TMPRSS11D: variants seen among roughly 807,000 people sequenced by gnomAD.
The protein encoded by TMPRSS11D is transmembrane serine protease 11D, also known as transmembrane protease serine 11D.
In TMPRSS11D, 32 loss-of-function variants were observed where a neutral mutation model predicts 44.4. The ratio of observed to expected loss-of-function variants is 0.72; its 90% CI spans 0.54 to 0.97. The LOEUF (loss-of-function observed/expected upper bound fraction) is 0.97. TMPRSS11D is among the 50% of genes least tolerant of loss of function. The pLI, the probability that TMPRSS11D is intolerant of heterozygous loss-of-function variation, is 0.00. For synonymous variants in TMPRSS11D, 179 were observed against 177.9 expected, an observed-to-expected ratio of 1.01 and a Z score of -0.05; for missense variants, 446 against 502.6, an observed-to-expected ratio of 0.89 and a Z score of 1.08.
chr4:67,836,850 G>A (rs41371952), intron 5 of TMPRSS11D, among the ~76,000 whole-genome samples: 109,163 of 152,056 alleles, frequency 0.72, 41,884 homozygotes, highest in East Asian at 0.99. Flanking sequence ...AGTACAGACT[G>A]TTTGCCTTTT....
At chr4:67,875,882 A>C (rs1169611753) in intron 1 of TMPRSS11D, among the ~76,000 whole-genome samples, 1 of 152,188 alleles carries the variant, frequency 6.6e-6, no homozygotes, top group Non-Finnish European at 1.5e-5. Flanking sequence ...TGTATCTCCC[A>C]AAGTATTTAA....
chr4:67,823,045 A>AC (rs1717690992), intron 9 of TMPRSS11D, among the ~76,000 whole-genome samples: 1 of 152,140 alleles, frequency 6.6e-6, no homozygotes, highest in African/African-American at 2.4e-5. Context: ...TATTTATTCA[A>AC]TGTCTGTTTT....
chr4:67,879,981 C>T (rs1719282415), intron 1 of TMPRSS11D, among the ~76,000 whole-genome samples: 1 of 152,136 alleles, frequency 6.6e-6, no homozygotes, highest in Admixed American at 6.5e-5. Flanking sequence ...AAGCTATGCA[C>T]ACTTTATTGT....
rs951781176 is a variant in TMPRSS11D, at chr4:67,877,152, A to T, written c.8+6774T>A. Among the ~76,000 whole-genome samples the T allele has an allele frequency of 3.9e-5, 6 of 152,158 alleles. No homozygotes were observed. The South Asian group carries it at 6.2e-4, about 16-fold the overall frequency. The stretch of plus-strand genomic sequence containing the variant: ...TATATCTTTAAAATATTCTATAATT[A>T]AAAAAATTTTTTTTTAAATCTTTTG... On this transcript the variant is annotated intron_variant, in intron 1 of 9. Coordinates refer to ENST00000283916, the MANE Select transcript of TMPRSS11D (RefSeq NM_004262.3).
intron 3 of TMPRSS11D, among the ~76,000 whole-genome samples, chr4:67,848,676 T>G (rs1718417143): frequency 6.6e-6 from 1 of 152,098 alleles, no homozygotes. Flanking sequence ...CTGATTGAAG[T>G]GGAAGGAAAA....
intron 4 of TMPRSS11D, among the ~76,000 whole-genome samples, chr4:67,842,284 G>A (rs577359456): frequency 1.3e-5 from 2 of 152,190 alleles, no homozygotes; most frequent in East Asian, 3.9e-4. Context: ...TTTACAATAG[G>A]ATGGCCTTGT....
chr4:67,849,570 A>C (rs1480976870), intron 3 of TMPRSS11D, among the ~76,000 whole-genome samples: 1 of 152,174 alleles, frequency 6.6e-6, no homozygotes, highest in Non-Finnish European at 1.5e-5. Flanking sequence ...GAGGTGAATG[A>C]GTGCCATGAG....
Position 67,827,488 on chromosome 4 carries a change from G to T in TMPRSS11D, c.725C>A (p.Ser242Tyr). ...NSNPRDWIAT[S>Y]GISTTFPKLR... Reference sequence around the variant, plus strand: ...TTTAGGAAATGTTGTGGAAATACCAGACGTGGCAATCCAGTCACGAGGATT... The same window carrying T: ...TTTAGGAAATGTTGTGGAAATACCATACGTGGCAATCCAGTCACGAGGATT... Residue 242 changes from serine (S) to tyrosine (Y), a missense_variant, in exon 8 of 10, where the codon TCT (serine) becomes TAT (tyrosine). By Grantham distance (144) the Ser-to-Tyr change is moderately radical. Transcript: ENST00000283916. The T allele has an allele frequency of 6.2e-7, 1 of 1,609,416 alleles. No homozygotes were observed. Among genetic ancestry groups the T allele is most frequent in the Non-Finnish European group, 8.5e-7 (1 of 1,177,398 alleles).
Position 67,854,871 on chromosome 4 carries a change from T to C in TMPRSS11D, c.131-685A>G, listed in dbSNP as rs368355336. 5.3e-5 allele frequency among the ~76,000 whole-genome samples: 8 copies of C among 152,154 alleles called. No individual in the cohort carries two copies. The East Asian group carries it at 5.8e-4, about 11-fold the overall frequency. On this transcript the variant is annotated intron_variant, in intron 2 of 9. Transcript: ENST00000283916. ...ACTAACATCAATTCTCCTCAAACTA[T>C]TCAAAAACATCAAACAGGAGGGAGT...
chr4:67,837,359 A>G (rs1282291065), intron 5 of TMPRSS11D, among the ~76,000 whole-genome samples: 3 of 152,148 alleles, frequency 2.0e-5, no homozygotes, highest in Non-Finnish European at 4.4e-5. Context: ...CTTTAGCAGC[A>G]GGGGCAGTGG....
chr4:67,846,310 A>G (rs769523978), intron 3 of TMPRSS11D, among the ~76,000 whole-genome samples: 10 of 152,094 alleles, frequency 6.6e-5, no homozygotes, highest in Non-Finnish European at 1.0e-4. Context: ...AACAATATCC[A>G]TTATAATATA....
chr4:67,878,021 C>T (rs75650065), intron 1 of TMPRSS11D, among the ~76,000 whole-genome samples: 1,581 of 152,148 alleles, frequency 0.01, 28 homozygotes, highest in African/African-American at 0.035. Flanking sequence ...AAAATGAAAA[C>T]GGGGTAATTT....
intron 7 of TMPRSS11D, among the ~76,000 whole-genome samples, chr4:67,828,059 CAT>C (rs33919891): frequency 0.81 from 122,175 of 150,570 alleles, 50,042 homozygotes; most frequent in Middle Eastern, 0.91. Context: ...TGTGTGTGTG[CAT>C]ATATATACAT....
intron 1 of TMPRSS11D, among the ~76,000 whole-genome samples, chr4:67,867,864 T>C (rs1458335030): frequency 1.3e-5 from 2 of 152,262 alleles, no homozygotes; most frequent in African/African-American, 2.4e-5. Context: ...TACACACTTT[T>C]GGTGGAAAAG....
At chr4:67,829,030 G>A (rs1717877313) in intron 7 of TMPRSS11D, among the ~76,000 whole-genome samples, 1 of 152,108 alleles carries the variant, frequency 6.6e-6, no homozygotes, top group Admixed American at 6.6e-5. Flanking sequence ...ATCAAATAAG[G>A]TTAGTTTTAT....
intron 1 of TMPRSS11D, among the ~76,000 whole-genome samples, chr4:67,876,356 G>A (rs1000899567): frequency 2.0e-5 from 3 of 151,786 alleles, no homozygotes; most frequent in African/African-American, 7.3e-5. Context: ...TTGTAAATTT[G>A]GTAGTCTTTC....
chr4:67,843,104 CTTTTTTTTTT>C (rs35756612), intron 3 of TMPRSS11D, among the ~76,000 whole-genome samples: 2 of 109,406 alleles, frequency 1.8e-5, no homozygotes, highest in East Asian at 5.4e-4. Context: ...AAAGGGCAGT[CTTTTTTTTTT>C]TTTTTTTTTT....
In TMPRSS11D at chr4:67,822,173, T is replaced by G. The variant is rs1717658503; in HGVS notation, c.*164A>C. 1 of 792,070 alleles carries G rather than the reference T, an allele frequency of 1.3e-6. No individual in the cohort carries two copies. Among genetic ancestry groups the G allele is most frequent in the African/African-American group, 1.7e-5 (1 of 58,274 alleles). 49.1% of individuals were successfully genotyped at this position (792,070 alleles called of 1,614,324 possible). On this transcript the variant is annotated 3_prime_UTR_variant, in exon 10 of 10. Coordinates refer to ENST00000283916, the MANE Select transcript of TMPRSS11D (RefSeq NM_004262.3). ...GTTCTCTGGAGAAAATAGAAAACCT[T>G]TAATAATAAAGAAAGGTTAAACAGT...
At position 67,838,229 on chromosome 4, in the gene TMPRSS11D, G is replaced by A. The variant is rs201111407; in HGVS notation, c.418C>T (p.Arg140Ter). 4.6e-5 allele frequency: 73 copies of A among 1,596,800 alleles called. No individual in the cohort carries two copies. Among genetic ancestry groups the A allele is most frequent in the Admixed American group, 7.1e-5 (4 of 56,730 alleles). ...TTTCCAGAGTTATTCAGCATTTGTC[G>A]TAAAACAGACTCAATTCTGCTTTTC... ...SMKSRIESVL[R>*]QMLNNSGNLE... The change falls in exon 5 of 10, where the codon CGA (arginine) becomes TGA (stop). Residue 140 changes from arginine (R) to a stop codon, truncating the protein, a stop_gained. Coordinates refer to ENST00000283916, the MANE Select transcript of TMPRSS11D (RefSeq NM_004262.3). LOFTEE classifies it high-confidence loss of function.
Sources: allele counts gnomAD v4.1 joint callset (sites outside exome capture counted in the v4.1 genomes callset), GRCh38; gene constraint gnomAD v4.1.1; transcripts MANE v1.5; gene names NCBI Gene and HGNC (gene_info 2026-07-23, HGNC 2026-07-21).